The following RPRD2 variants were observed in gnomAD, a reference collection of about 807,000 sequenced individuals.
RPRD2 encodes regulation of nuclear pre-mRNA domain containing 2.
RPRD2 carries 12 observed loss-of-function variants against 104.4 expected under a neutral mutation model. That is an observed-to-expected ratio of 0.11 (90% CI 0.07 to 0.19). The LOEUF (loss-of-function observed/expected upper bound fraction) is 0.19. Ranked by LOEUF, RPRD2 falls within the 10% of genes least tolerant of loss-of-function variation. RPRD2 has a pLI of 1.00. For synonymous variants in RPRD2, 714 were observed against 684.9 expected, an observed-to-expected ratio of 1.04 and a Z score of -0.66; for missense variants, 1,543 against 1,790.1, an observed-to-expected ratio of 0.86 and a Z score of 2.49.
At chr1:150,465,723 G>A (rs67903303) in intron 10 of RPRD2, among the ~76,000 whole-genome samples, 33,664 of 151,910 alleles carry the variant, frequency 0.22, 4,241 homozygotes, top group African/African-American at 0.32. Flanking sequence ...ATTAATTTCA[G>A]TGTTAACCAA....
chr1:150,426,775 A>G (rs1023198828), intron 2 of RPRD2, among the ~76,000 whole-genome samples: 15 of 152,178 alleles, frequency 9.9e-5, no homozygotes, highest in African/African-American at 3.4e-4. Context: ...CAGGATGGGA[A>G]GAGTTCTGGA....
chr1:150,456,667 G>A (rs587660750), intron 7 of RPRD2, among the ~76,000 whole-genome samples: 2 of 151,678 alleles, frequency 1.3e-5, no homozygotes, highest in East Asian at 3.9e-4. Flanking sequence ...ACTCAAGCCT[G>A]TAATCCCAGC....
intron 1 of RPRD2, among the ~76,000 whole-genome samples, chr1:150,393,680 C>G (rs587688819): frequency 2.6e-5 from 4 of 152,094 alleles, no homozygotes; most frequent in African/African-American, 9.6e-5. Flanking sequence ...TTATATGTCT[C>G]TTACGGAAGG....
At chr1:150,451,374 G>C (rs1210699581) in intron 7 of RPRD2, among the ~76,000 whole-genome samples, 5 of 152,028 alleles carry the variant, frequency 3.3e-5, no homozygotes, top group African/African-American at 1.2e-4. Flanking sequence ...GATTGTTATG[G>C]GTTAAATTAT....
chr1:150,425,148 A>C (rs1311449485), intron 2 of RPRD2, among the ~76,000 whole-genome samples: 1 of 152,204 alleles, frequency 6.6e-6, no homozygotes, highest in Non-Finnish European at 1.5e-5. Flanking sequence ...CATACTTCAT[A>C]AAGTGTGGAA....
intron 1 of RPRD2, among the ~76,000 whole-genome samples, chr1:150,414,718 A>G (rs1664209020): frequency 6.6e-6 from 1 of 152,218 alleles, no homozygotes; most frequent in South Asian, 2.1e-4. Context: ...AACCTTGAAA[A>G]TTGGTGTTTG....
chr1:150,470,494 C>T, intron 10 of RPRD2, 67 bp from the exon 11 acceptor site: 2 of 1,479,356 alleles, frequency 1.4e-6, no homozygotes, highest in Non-Finnish European at 1.8e-6. Context: ...ATCTGATTAG[C>T]CTACATTGTT....
intron 2 of RPRD2, among the ~76,000 whole-genome samples, chr1:150,431,683 G>T (rs1553891818): frequency 6.6e-6 from 1 of 151,736 alleles, no homozygotes; most frequent in Non-Finnish European, 1.5e-5. Context: ...GGTTCACCAT[G>T]TTGGTCAGGC....
intron 3 of RPRD2, chr1:150,441,277 A>G (rs587648558): frequency 5.5e-5 from 20 of 361,380 alleles, no homozygotes; most frequent in African/African-American, 3.9e-4. Context: ...GGTAATAGCC[A>G]TCTGGTTATT....
chr1:150,410,371 A>T (rs1467000650), intron 1 of RPRD2, among the ~76,000 whole-genome samples: 1 of 152,166 alleles, frequency 6.6e-6, no homozygotes, highest in East Asian at 1.9e-4. Context: ...AGGCAAAGGT[A>T]GAAGCAGGGA....
rs1553881396 is a variant in RPRD2, at chr1:150,384,450, C to CATCATT, written c.205+19533_205+19534insCATTAT. 5.3e-4 allele frequency among the ~76,000 whole-genome samples: 70 copies of CATCATT among 132,344 alleles called. No homozygotes were observed. In the East Asian group the frequency reaches 5.5e-3, roughly 10 times the overall value. 86.8% of individuals were successfully genotyped at this position (132,344 alleles called of 152,430 possible). On this transcript the variant is annotated intron_variant, in intron 1 of 10. Coordinates refer to ENST00000369068, the MANE Select transcript of RPRD2 (RefSeq NM_015203.5). The stretch of plus-strand genomic sequence containing the variant: ...CAGAAGGAATAAAAGGCATCATCAT[C>CATCATT]ATTATTATTATTATTATTATTATTA...
At chr1:150,414,163 T>C (rs587698850) in intron 1 of RPRD2, among the ~76,000 whole-genome samples, 29 of 152,276 alleles carry the variant, frequency 1.9e-4, no homozygotes, top group African/African-American at 7.0e-4. Flanking sequence ...AATCCAGGCT[T>C]GATATCTACA....
At chr1:150,415,628 C>A (rs1664276462) in intron 1 of RPRD2, among the ~76,000 whole-genome samples, 1 of 152,084 alleles carries the variant, frequency 6.6e-6, no homozygotes, top group Admixed American at 6.6e-5. Flanking sequence ...CTGCAGTGAA[C>A]TGTGATCGCA....
rs16836792 is a variant in RPRD2, at chr1:150,409,288, T to C, written c.206-8308T>C. Among the ~76,000 whole-genome samples the C allele has an allele frequency of 9.0e-3, 1,369 of 152,300 alleles. 17 individuals carry two copies. Among genetic ancestry groups the C allele is most frequent in the African/African-American group, 0.031 (1,297 of 41,554 alleles). ...TGCAACAGCCCCTAGAATACCTCAT[T>C]GTACCTAGCCCCTACCTAATGCTGT... is the stretch of plus-strand genomic sequence containing the variant. On this transcript the variant is annotated intron_variant, in intron 1 of 10. Transcript: ENST00000369068.
chr1:150,422,170 C>T (rs1209967700), intron 2 of RPRD2, among the ~76,000 whole-genome samples: 1 of 95,314 alleles, frequency 1.0e-5, no homozygotes, highest in Non-Finnish European at 2.4e-5. Context: ...ACTAAAAACA[C>T]ACATACACAC....
chr1:150,404,919 T>G (rs1663349043), intron 1 of RPRD2, among the ~76,000 whole-genome samples: 1 of 152,242 alleles, frequency 6.6e-6, no homozygotes, highest in African/African-American at 2.4e-5. Context: ...TGCTTATTAG[T>G]CCCTTGAATT....
chr1:150,409,501 C>A (rs1553887249), intron 1 of RPRD2, among the ~76,000 whole-genome samples: 2 of 151,732 alleles, frequency 1.3e-5, no homozygotes, highest in African/African-American at 4.8e-5. Flanking sequence ...ATAAAACTGA[C>A]AAAAATCCTT....
intron 7 of RPRD2, among the ~76,000 whole-genome samples, chr1:150,455,118 C>G (rs1553897302): frequency 1.3e-5 from 2 of 152,186 alleles, no homozygotes; most frequent in African/African-American, 4.8e-5. Flanking sequence ...TTACCCCAGT[C>G]TAGCCATTAG....
chr1:150,443,172 T>G lies in RPRD2; in HGVS notation c.515-59T>G, dbSNP rs1308159768. 7.0e-6 allele frequency: 9 copies of G among 1,291,706 alleles called. No homozygotes were observed. The African/African-American group carries it at 1.2e-4, about 17-fold the overall frequency. The allele number at this position is 1,291,706 out of a possible 1,614,324, so 80.0% of individuals were successfully genotyped here. ...TCTTTAACTATAGAGCTAAAATTTT[T>G]CCTGTTAGTCAACTTTTTGTGTCTG... On this transcript the variant is annotated intron_variant, in intron 4 of 10. Transcript: ENST00000369068.
Sources: gnomAD v4.1 joint callset for allele counts (sites outside exome capture counted in the v4.1 genomes callset) on GRCh38, gnomAD v4.1.1 for gene constraint, MANE v1.5 for transcripts, NCBI Gene and HGNC (gene_info 2026-07-23, HGNC 2026-07-21) for gene names.